The following RPS6KA4 variants were observed in gnomAD, a reference collection of about 807,000 sequenced individuals.
RPS6KA4 encodes the protein ribosomal protein S6 kinase A4, also known as ribosomal protein S6 kinase alpha-4.
RPS6KA4 carries 38 observed loss-of-function variants against 89.6 expected under a neutral mutation model. The ratio of observed to expected loss-of-function variants is 0.42; its 90% CI spans 0.33 to 0.56. The LOEUF is 0.56. Among genes scored for constraint, RPS6KA4 ranks in the 20% least tolerant of loss-of-function variants. The probability of loss-of-function intolerance (pLI) is 0.07; values close to 1 mark genes in which losing one functional copy is unlikely to be tolerated. For synonymous variants in RPS6KA4, 495 were observed against 492.8 expected (o/e 1.00, Z -0.06); for missense variants, 873 against 1,098.8 (o/e 0.79, Z 2.90).
rs773256837 is a variant in RPS6KA4, at chr11:64,359,445, G to A, written c.123G>A (p.Thr41=). The A allele has an allele frequency of 2.9e-5, 46 of 1,613,372 alleles. No individual in the cohort carries two copies. Among genetic ancestry groups the A allele is most frequent in the Non-Finnish European group, 3.5e-5 (41 of 1,179,754 alleles). The change falls in exon 2 of 17, where the codon ACG becomes ACA. Residue 41 remains threonine, a synonymous_variant. Coordinates refer to ENST00000334205, the MANE Select transcript of RPS6KA4 (RefSeq NM_003942.3). The stretch of plus-strand genomic sequence containing the variant: ...TCGAGCTGCTCAAGGTGCTGGGCAC[G>A]GGAGGTGAGGACCCCCATCCACCGG... The part of the protein sequence containing the change: ...ENFELLKVLG[T]GAYGKVFLVR...
intron 8 of RPS6KA4, among the ~76,000 whole-genome samples, chr11:64,364,142 C>CT (rs879867829): frequency 1.1e-5 from 1 of 93,654 alleles, no homozygotes; most frequent in Admixed American, 1.5e-4. Context: ...TCTTCCTCTT[C>CT]TTTTTTTTTT....
In RPS6KA4 at chr11:64,361,239, G is replaced by A. The variant is rs1392451655; in HGVS notation, c.568G>A (p.Glu190Lys). 2 of 1,611,872 alleles carry A rather than the reference G, an allele frequency of 1.2e-6. No individual in the cohort carries two copies. Among genetic ancestry groups the A allele is most frequent in the Admixed American group, 1.7e-5 (1 of 59,958 alleles). ...FGLSKEFLTE[E>K]KERTFSFCGT... is the part of the protein sequence containing the mutation. ...GCTGAGCAAGGAGTTCCTGACGGAG[G>A]AGGTGAGTGGAGGCCACCTCTGCCT... The change falls in exon 5 of 17, where the codon GAG becomes AAG. Residue 190 changes from glutamate (E) to lysine (K), a missense_variant and splice_region_variant. By Grantham distance (56) the Glu-to-Lys change is moderately conservative (BLOSUM62 1). Coordinates refer to ENST00000334205, the MANE Select transcript of RPS6KA4 (RefSeq NM_003942.3). The surrounding 1 kb of genome is among the most constrained non-coding windows in gnomAD (Gnocchi z 4.7).
rs1359686910 is a variant in RPS6KA4 at position 64,369,441 on chromosome 11, C to T, written c.1429-5C>T. 5 of 1,590,738 alleles carry T rather than the reference C, an allele frequency of 3.1e-6. No individual in the cohort carries two copies. The South Asian group carries it at 3.4e-5, about 11-fold the overall frequency. On this transcript the variant is annotated splice_polypyrimidine_tract_variant and splice_region_variant and intron_variant, in intron 12 of 16. Coordinates refer to ENST00000334205, the MANE Select transcript of RPS6KA4 (RefSeq NM_003942.3). ...GTTGACCTTGGCCCGCCACGCCGCC[C>T]GCAGCTGCACACGTACCTGGTCCTG...
rs766228979 is a variant in RPS6KA4 at position 64,369,616 on chromosome 11, G to T, written c.1599G>T (p.Pro533=). 2.2e-5 allele frequency: 36 copies of T among 1,603,438 alleles called. No individual in the cohort carries two copies. Among genetic ancestry groups the T allele is most frequent in the Admixed American group, 1.2e-4 (7 of 59,036 alleles). ...EAGVVHRDLK[P]ENILYADDTP... is the part of the protein sequence containing the mutation. Reference sequence around the variant, plus strand: ...GCGTGGTGCACCGCGACCTCAAGCCGGAGGTGGGCGAGCTGCCTCGGCGGC... The same window carrying T: ...GCGTGGTGCACCGCGACCTCAAGCCTGAGGTGGGCGAGCTGCCTCGGCGGC... The change falls in exon 13 of 17, where the codon CCG becomes CCT. Residue 533 remains proline, a synonymous_variant. Coordinates refer to ENST00000334205, the MANE Select transcript of RPS6KA4 (RefSeq NM_003942.3).
In RPS6KA4 at chr11:64,369,477, G is replaced by T; in HGVS notation, c.1460G>T (p.Arg487Leu). The T allele has an allele frequency of 6.2e-7, 1 of 1,609,026 alleles. No individual in the cohort carries two copies. ...LHTYLVLELL[R>L]GGELLEHIRK... ...ACGTACCTGGTCCTGGAGCTGCTGC[G>T]GGGCGGGGAGCTGCTGGAGCACATC... Residue 487 changes from arginine (R) to leucine (L), a missense_variant, in exon 13 of 17, where the codon CGG becomes CTG. Arg to Leu is a moderately radical substitution (Grantham distance 102). Transcript: ENST00000334205.
Position 64,361,327 on chromosome 11 carries a change from C to A in RPS6KA4, c.570+86C>A. The A allele has an allele frequency of 6.9e-7, 1 of 1,453,570 alleles. No homozygotes were observed. The highest frequency in any genetic ancestry group is 9.6e-7 in the Non-Finnish European group (1 of 1,045,108). The allele number at this position is 1,453,570 out of a possible 1,614,324, so 90.0% of individuals were successfully genotyped here. ...CCTGCTCTGGGCCTGCATTCTGGGGCTGCAGAAGTGAATAGCTCCAAGAAG... is the reference window on the plus strand; with the variant it reads ...CCTGCTCTGGGCCTGCATTCTGGGGATGCAGAAGTGAATAGCTCCAAGAAG... On this transcript the variant is annotated intron_variant, in intron 5 of 16. Coordinates refer to ENST00000334205, the MANE Select transcript of RPS6KA4 (RefSeq NM_003942.3). This position sits in a 1 kb window ranked among gnomAD's most constrained non-coding sequence, Gnocchi z 4.7.
intron 2 of RPS6KA4, 111 bp downstream of exon 2, chr11:64,359,560 C>T: frequency 1.7e-6 from 2 of 1,185,258 alleles, no homozygotes; most frequent in Admixed American, 2.3e-5. Flanking sequence ...CACCCTTTCC[C>T]GGCACAGCCT....
In RPS6KA4 at chr11:64,371,468, GC is replaced by G; in HGVS notation, c.2313del (p.Ser772ProfsTer12). On this transcript the variant is annotated frameshift_variant, in exon 17 of 17. Coordinates refer to ENST00000334205, the MANE Select transcript of RPS6KA4 (RefSeq NM_003942.3). LOFTEE classifies it high-confidence loss of function. ...GAPRRANGPL[P>X]PS Reference sequence around the variant, plus strand: ...CCCCCCGCCGAGCCAACGGCCCCCTGCCCCCCTCCTAATCCCCACCACTGTG... The same window carrying G: ...CCCCCCGCCGAGCCAACGGCCCCCTGCCCCCTCCTAATCCCCACCACTGTG... 3 of 1,243,380 alleles carry G rather than the reference GC, an allele frequency of 2.4e-6. No homozygotes were observed. The highest frequency in any genetic ancestry group is 1.1e-6 in the Non-Finnish European group (1 of 882,998). 77.0% of individuals were successfully genotyped at this position (1,243,380 alleles called of 1,614,324 possible). A position where few individuals can be genotyped will look rare whatever the true frequency, so the allele number is the denominator to read the frequency against.
chr11:64,360,097 C>A, intron 2 of RPS6KA4, 66 bp from the exon 3 acceptor site: 4 of 1,444,036 alleles, frequency 2.8e-6, no homozygotes, highest in Non-Finnish European at 3.7e-6. Context: ...GCATCGCCCC[C>A]ACCCCCCAAG....
rs375925105 is a variant in RPS6KA4, at chr11:64,361,555, T to C, written c.651+6T>C. ...GCAAGACGGGGCATGGCAAGGTAGGTTGGCAGGGAAGTGGGGCTGGGGGAG... is the reference window on the plus strand; with the variant it reads ...GCAAGACGGGGCATGGCAAGGTAGGCTGGCAGGGAAGTGGGGCTGGGGGAG... On this transcript the variant is annotated splice_donor_region_variant and intron_variant, in intron 6 of 16. Coordinates refer to ENST00000334205, the MANE Select transcript of RPS6KA4 (RefSeq NM_003942.3). This position sits in a 1 kb window ranked among gnomAD's most constrained non-coding sequence, Gnocchi z 4.7. 2.5e-6 allele frequency: 4 copies of C among 1,613,726 alleles called. No homozygotes were observed. Among genetic ancestry groups the C allele is most frequent in the African/African-American group, 2.7e-5 (2 of 74,860 alleles).
At position 64,370,618 on chromosome 11, in the gene RPS6KA4, C is replaced by T; in HGVS notation, c.2013C>T (p.Ser671=). The change falls in exon 16 of 17, where the codon AGC becomes AGT. Residue 671 remains serine, a synonymous_variant. Transcript: ENST00000334205. The surrounding 1 kb of genome is among the most constrained non-coding windows in gnomAD (Gnocchi z 4.1). ...TGAAGCTCGAGGGACTGCGGGGCAG[C>T]TCGTGGCTGCAGGACGGCAGCGCGC... ...KRLKLEGLRG[S]SWLQDGSARS... The T allele has an allele frequency of 6.3e-7, 1 of 1,583,418 alleles. No individual in the cohort carries two copies. Among genetic ancestry groups the T allele is most frequent in the Non-Finnish European group, 8.5e-7 (1 of 1,171,958 alleles).
chr11:64,369,374 G>C, intron 12 of RPS6KA4, 72 bp from the exon 13 acceptor site: 3 of 1,456,892 alleles, frequency 2.1e-6, no homozygotes, highest in Non-Finnish European at 2.7e-6. Flanking sequence ...GGCCGGGGGC[G>C]GGGCCTGGGT....
At chr11:64,366,916 T>C (rs1315232663) in intron 9 of RPS6KA4, among the ~76,000 whole-genome samples, 1 of 152,218 alleles carries the variant, frequency 6.6e-6, no homozygotes, top group African/African-American at 2.4e-5. Flanking sequence ...GTCCCTTCTC[T>C]GAAGCTCTTA....
At position 64,360,513 on chromosome 11, in the gene RPS6KA4, A is replaced by G. The variant is rs2036716078; in HGVS notation, c.383A>G (p.Tyr128Cys). ...GGCGGGGAGATGTTCACCCACCTCTACCAGCGCCAGTACTTCAAGGAGGCT... is the reference window on the plus strand; with the variant it reads ...GGCGGGGAGATGTTCACCCACCTCTGCCAGCGCCAGTACTTCAAGGAGGCT... ...VSGGEMFTHL[Y>C]QRQYFKEAEV... Residue 128 changes from tyrosine (Y) to cysteine (C), a missense_variant, in exon 4 of 17, where the codon TAC becomes TGC. By Grantham distance (194) the Tyr-to-Cys change is radical. Coordinates refer to ENST00000334205, the MANE Select transcript of RPS6KA4 (RefSeq NM_003942.3). The G allele has an allele frequency of 6.2e-7, 1 of 1,611,708 alleles. No individual in the cohort carries two copies.
At chr11:64,365,280 C>A in intron 8 of RPS6KA4, 21 bp from the exon 9 acceptor site, 2 of 1,607,846 alleles carry the variant, frequency 1.2e-6, no homozygotes, top group South Asian at 2.2e-5. Flanking sequence ...TGACACCTGA[C>A]CTCTGATTCC....
chr11:64,365,363 C>T lies in RPS6KA4; in HGVS notation c.969C>T (p.Arg323=), dbSNP rs1310217088. 1.2e-6 allele frequency: 2 copies of T among 1,614,132 alleles called. No homozygotes were observed. Among genetic ancestry groups the T allele is most frequent in the African/African-American group, 1.3e-5 (1 of 75,062 alleles). Residue 323 remains arginine (R), a synonymous_variant, in exon 9 of 17, where the codon CGC becomes CGT. Coordinates refer to ENST00000334205, the MANE Select transcript of RPS6KA4 (RefSeq NM_003942.3). ...CAGCCCCATTCCGGCCCCAAATCCG[C>T]TCAGAGCTGGATGTGGGCAACTTTG... is the stretch of plus-strand genomic sequence containing the variant. ...KIPAPFRPQI[R]SELDVGNFAE...
At position 64,371,718 on chromosome 11, in the gene RPS6KA4, C is replaced by G. The variant is rs1286126256; in HGVS notation, c.*238C>G. The G allele has an allele frequency of 4.5e-6, 2 of 448,076 alleles. No individual in the cohort carries two copies. Among genetic ancestry groups the G allele is most frequent in the African/African-American group, 4.1e-5 (2 of 48,852 alleles). The allele number at this position is 448,076 out of a possible 1,614,324, so 27.8% of individuals were successfully genotyped here. A position where few individuals can be genotyped will look rare whatever the true frequency, so the allele number is the denominator to read the frequency against. On this transcript the variant is annotated 3_prime_UTR_variant, in exon 17 of 17. Coordinates refer to ENST00000334205, the MANE Select transcript of RPS6KA4 (RefSeq NM_003942.3). ...TGGGGAGTGGGGTTTGGGGGGCCCT[C>G]TCCCAGGACACTGCCTCTTCTGGGC...
chr11:64,371,521 C>T lies in RPS6KA4; in HGVS notation c.*41C>T, dbSNP rs2037077298. 1.2e-6 allele frequency: 1 copy of T among 800,260 alleles called. No individual in the cohort carries two copies. The highest frequency in any genetic ancestry group is 1.7e-5 in the South Asian group (1 of 58,494). The allele number at this position is 800,260 out of a possible 1,614,324, so 49.6% of individuals were successfully genotyped here. A position where few individuals can be genotyped will look rare whatever the true frequency, so the allele number is the denominator to read the frequency against. On this transcript the variant is annotated 3_prime_UTR_variant, in exon 17 of 17. Coordinates refer to ENST00000334205, the MANE Select transcript of RPS6KA4 (RefSeq NM_003942.3). ...CCCCCTTCCCTCATAGGGGCTGTGA[C>T]CTGGGAGCCCGGCTCACTCCCGGAG...
At chr11:64,363,769 C>T (rs1367486894) in intron 8 of RPS6KA4, among the ~76,000 whole-genome samples, 1 of 152,114 alleles carries the variant, frequency 6.6e-6, no homozygotes, top group Non-Finnish European at 1.5e-5. Flanking sequence ...GGATTACAGA[C>T]ACATGAGCCA....
Sources: gnomAD v4.1 joint callset for allele counts (sites outside exome capture counted in the v4.1 genomes callset) on GRCh38, gnomAD v4.1.1 for gene constraint, Gnocchi (gnomAD v3.1) non-coding constraint, MANE v1.5 for transcripts, NCBI Gene and HGNC (gene_info 2026-07-23, HGNC 2026-07-21) for gene names.